Variants in SHANK2 observed in about 807,000 individuals in gnomAD.
SHANK2 encodes the protein SH3 and multiple ankyrin repeat domains 2, also known as SH3 and multiple ankyrin repeat domains protein 2.
Under a neutral mutation model 133.7 loss-of-function variants are expected in SHANK2, and 43 were observed. That is an observed-to-expected ratio of 0.32 (90% CI 0.25 to 0.41). The LOEUF is 0.41. Among genes scored for constraint, SHANK2 ranks in the 10% least tolerant of loss-of-function variants. The pLI is 1.00. For synonymous variants in SHANK2, 1,017 were observed against 952.8 expected, an observed-to-expected ratio of 1.07 and a Z score of -1.24; for missense variants, 1,994 against 2,235.8, an observed-to-expected ratio of 0.89 and a Z score of 2.18.
intron 17 of SHANK2, among the ~76,000 whole-genome samples, chr11:70,506,383 G>C (rs1036401183): frequency 6.6e-6 from 1 of 152,170 alleles, no homozygotes; most frequent in Non-Finnish European, 1.5e-5. Context: ...ACCCCTCGTA[G>C]ACCTGCTGCC....
At chr11:70,799,712 G>A (rs1442064015) in intron 13 of SHANK2, among the ~76,000 whole-genome samples, 18 of 152,128 alleles carry the variant, frequency 1.2e-4, no homozygotes, top group Admixed American at 7.2e-4. Flanking sequence ...TGGGGACCAC[G>A]CACATCACTG....
intron 14 of SHANK2, among the ~76,000 whole-genome samples, chr11:70,778,577 G>C (rs1033833945): frequency 1.3e-5 from 2 of 152,176 alleles, no homozygotes; most frequent in African/African-American, 2.4e-5. Flanking sequence ...GAGGAAGAGA[G>C]AGCAGAGGTG....
chr11:70,475,372 G>A (rs1312299091), intron 25 of SHANK2, among the ~76,000 whole-genome samples: 1 of 152,218 alleles, frequency 6.6e-6, no homozygotes, highest in African/African-American at 2.4e-5. Context: ...TCCAGGGTAT[G>A]CACAAAGCTA....
At chr11:71,233,999 A>G (rs1362735004) in intron 1 of SHANK2, among the ~76,000 whole-genome samples, 1 of 151,718 alleles carries the variant, frequency 6.6e-6, no homozygotes, top group Non-Finnish European at 1.5e-5. Context: ...GTGAACCAAG[A>G]TCATGCCACT....
At chr11:70,775,233 G>A (rs1182910928) in intron 14 of SHANK2, among the ~76,000 whole-genome samples, 8 of 152,120 alleles carry the variant, frequency 5.3e-5, no homozygotes, top group Admixed American at 3.9e-4. Context: ...CGAGGCAGGC[G>A]GATCACAAGG....
chr11:70,758,138 G>T (rs1466767960), intron 14 of SHANK2, among the ~76,000 whole-genome samples: 1 of 152,236 alleles, frequency 6.6e-6, no homozygotes, highest in Admixed American at 6.5e-5. Flanking sequence ...AGGAGGTAAA[G>T]AAATAGCCAA....
intron 11 of SHANK2, among the ~76,000 whole-genome samples, chr11:70,886,706 C>G (rs1555073586): frequency 6.8e-6 from 1 of 147,716 alleles, no homozygotes; most frequent in Non-Finnish European, 1.5e-5. Context: ...ATCACACACA[C>G]ACACACACAC....
At chr11:71,161,325 T>C (rs782200570) in intron 2 of SHANK2, among the ~76,000 whole-genome samples, 37 of 152,326 alleles carry the variant, frequency 2.4e-4, no homozygotes, top group Middle Eastern at 3.4e-3. Context: ...TATATTTCTT[T>C]GACATATTTT....
At chr11:70,503,494 C>T (rs1365517306) in intron 17 of SHANK2, among the ~76,000 whole-genome samples, 1 of 152,234 alleles carries the variant, frequency 6.6e-6, no homozygotes, top group Non-Finnish European at 1.5e-5. Context: ...GGCAGAAAAG[C>T]CTGGCCCAGC....
intron 2 of SHANK2, among the ~76,000 whole-genome samples, chr11:71,178,710 G>A (rs1186574936): frequency 3.3e-5 from 5 of 152,146 alleles, no homozygotes; most frequent in Admixed American, 6.5e-5. Context: ...TTGGCCAGGC[G>A]CGGTGACTCA....
chr11:71,172,499 G>A (rs945109710), intron 2 of SHANK2, among the ~76,000 whole-genome samples: 2 of 149,722 alleles, frequency 1.3e-5, no homozygotes, highest in African/African-American at 4.9e-5. Context: ...TCTGGAGGCT[G>A]AAGCAGGAGA....
At chr11:70,599,921 A>AAAAGAAAGAAAG (rs1565166480) in intron 17 of SHANK2, among the ~76,000 whole-genome samples, 12 of 61,244 alleles carry the variant, frequency 2.0e-4, no homozygotes, top group African/African-American at 6.7e-4. Context: ...GAAAGAAAGA[A>AAAAGAAAGAAAG]AGAAAGAAAG....
At chr11:70,792,382 A>G (rs554029709) in intron 14 of SHANK2, among the ~76,000 whole-genome samples, 9 of 141,300 alleles carry the variant, frequency 6.4e-5, no homozygotes, top group African/African-American at 2.4e-4. Flanking sequence ...CAACCAACCA[A>G]CCAGCCAACC....
chr11:70,711,898 C>T (rs1555026223), intron 14 of SHANK2, among the ~76,000 whole-genome samples: 1 of 152,226 alleles, frequency 6.6e-6, no homozygotes, highest in African/African-American at 2.4e-5. Context: ...AATGCCCAGG[C>T]ACACGTCACA....
At chr11:71,072,408 G>A (rs988442634) in intron 9 of SHANK2, among the ~76,000 whole-genome samples, 6 of 152,228 alleles carry the variant, frequency 3.9e-5, no homozygotes, top group Admixed American at 2.0e-4. Flanking sequence ...AGAGGGCAGG[G>A]CTCACATCCC....
At chr11:71,108,504 C>T (rs1951835454) in intron 6 of SHANK2, among the ~76,000 whole-genome samples, 1 of 152,168 alleles carries the variant, frequency 6.6e-6, no homozygotes, top group Non-Finnish European at 1.5e-5. Flanking sequence ...CTCCCTTTCC[C>T]CTCTCCCCTT....
At chr11:71,169,960 T>G (rs1953277577) in intron 2 of SHANK2, among the ~76,000 whole-genome samples, 1 of 152,182 alleles carries the variant, frequency 6.6e-6, no homozygotes, top group African/African-American at 2.4e-5. Context: ...CAGTGCTCTG[T>G]GACCCCACCT....
intron 3 of SHANK2, among the ~76,000 whole-genome samples, chr11:71,135,014 G>A (rs4945040): frequency 0.39 from 59,414 of 151,850 alleles, 13,279 homozygotes; most frequent in East Asian, 0.58. Flanking sequence ...ATACCTGGAC[G>A]CCCACCGCCC....
chr11:70,809,162 G>A lies in SHANK2; in HGVS notation c.1494-1991C>T, dbSNP rs368177172. Among the ~76,000 whole-genome samples, 69 of 152,288 alleles carry A rather than the reference G, an allele frequency of 4.5e-4. 2 individuals are homozygous for A. Among genetic ancestry groups the A allele is most frequent in the African/African-American group, 1.6e-3 (66 of 41,566 alleles). On this transcript the variant is annotated intron_variant, in intron 12 of 25. Transcript: ENST00000601538. Reference sequence around the variant, plus strand: ...GCCAGAAATTCAGGACGGCCCTCCCGGGCACATGCTCAGAAAGACAGGGAA... The same window carrying A: ...GCCAGAAATTCAGGACGGCCCTCCCAGGCACATGCTCAGAAAGACAGGGAA...
Sources: allele counts gnomAD v4.1 joint callset (sites outside exome capture counted in the v4.1 genomes callset), GRCh38; gene constraint gnomAD v4.1.1; transcripts MANE v1.5; gene names NCBI Gene and HGNC (gene_info 2026-07-23, HGNC 2026-07-21).